The following PCDHGA1 variants were observed in gnomAD, a reference collection of about 807,000 sequenced individuals.
PCDHGA1 encodes protocadherin gamma subfamily A, 1.
Under a neutral mutation model 58.0 loss-of-function variants are expected in PCDHGA1, and 32 were observed. That is an observed-to-expected ratio of 0.55 (90% CI 0.42 to 0.74). The LOEUF is 0.74. Ranked by LOEUF, PCDHGA1 falls within the 30% of genes least tolerant of loss-of-function variation. The pLI is 0.00. For synonymous variants in PCDHGA1, 498 were observed against 501.1 expected (o/e 0.99, Z 0.08); for missense variants, 1,205 against 1,182.3 (o/e 1.02, Z -0.28).
chr5:141,409,875 A>G, intron 1 of PCDHGA1: 1 of 1,612,810 alleles, frequency 6.2e-7, no homozygotes, highest in Non-Finnish European at 8.5e-7. Flanking sequence ...CGCAATGACA[A>G]CGCACCGCGG....
intron 1 of PCDHGA1, chr5:141,398,001 A>T: frequency 5.0e-6 from 7 of 1,388,802 alleles, no homozygotes; most frequent in African/African-American, 4.4e-5. Flanking sequence ...CCTCCTCGGA[A>T]AAAGAATCGT....
chr5:141,467,672 AT>A (rs1199631144), intron 1 of PCDHGA1, among the ~76,000 whole-genome samples: 1 of 151,634 alleles, frequency 6.6e-6, no homozygotes, highest in Non-Finnish European at 1.5e-5. Context: ...GAAGATTTTT[AT>A]TTTTTTTAGA....
At chr5:141,369,787 A>G (rs1340381540) in intron 1 of PCDHGA1, among the ~76,000 whole-genome samples, 2 of 152,346 alleles carry the variant, frequency 1.3e-5, no homozygotes, top group African/African-American at 4.8e-5. Context: ...GCCTCTTTAT[A>G]CTACGTCTTC....
intron 1 of PCDHGA1, 130 bp downstream of exon 1, chr5:141,333,235 C>G: frequency 1.5e-6 from 2 of 1,365,112 alleles, no homozygotes; most frequent in South Asian, 1.4e-5. Context: ...ATTACAAGTC[C>G]TGCAAAATCA....
rs772000812 is a variant in PCDHGA1, at chr5:141,478,304, C to T, written c.2422-16503C>T. The T allele has an allele frequency of 8.1e-6, 13 of 1,614,108 alleles. No individual in the cohort carries two copies. In the Middle Eastern group the frequency reaches 1.2e-3, roughly 143 times the overall value. On this transcript the variant is annotated intron_variant, in intron 1 of 3. Coordinates refer to ENST00000517417, the MANE Select transcript of PCDHGA1 (RefSeq NM_018912.3). The stretch of plus-strand genomic sequence containing the variant: ...GCAGTCTAGAGACCTATACCGAGCC[C>T]CGGTGAGCTCACTGTACCGAACACC...
chr5:141,459,993 G>T (rs1320315247), intron 1 of PCDHGA1, among the ~76,000 whole-genome samples: 1 of 152,164 alleles, frequency 6.6e-6, no homozygotes, highest in African/African-American at 2.4e-5. Context: ...CAGGAGAATC[G>T]CTTGAACCCA....
At chr5:141,409,840 G>A (rs1361942011) in intron 1 of PCDHGA1, 3 of 1,611,558 alleles carry the variant, frequency 1.9e-6, no homozygotes, top group African/African-American at 1.3e-5. Flanking sequence ...GCGCCAACGT[G>A]AGCCTGCGCG....
At chr5:141,394,782 A>T (rs779984453) in intron 1 of PCDHGA1, 1 of 1,613,558 alleles carries the variant, frequency 6.2e-7, no homozygotes. Flanking sequence ...TCTCTCCGCC[A>T]CTGTCACGCT....
chr5:141,465,348 A>G (rs886810999), intron 1 of PCDHGA1, among the ~76,000 whole-genome samples: 2 of 152,158 alleles, frequency 1.3e-5, no homozygotes, highest in African/African-American at 4.8e-5. Flanking sequence ...GTTACTGAAG[A>G]AAAAATGGGT....
At chr5:141,367,423 G>T (rs1765125811) in intron 1 of PCDHGA1, 2 of 152,202 alleles carry the variant, frequency 1.3e-5, no homozygotes, top group Non-Finnish European at 2.9e-5. Flanking sequence ...TGTAGTCCCA[G>T]CTACTCGGAA....
chr5:141,490,143 A>G lies in PCDHGA1; in HGVS notation c.2422-4664A>G. On this transcript the variant is annotated intron_variant, in intron 1 of 3. Transcript: ENST00000517417. The surrounding 1 kb of genome is among the most constrained non-coding windows in gnomAD (Gnocchi z 5.4). ...TTGGCCTAGACCCTAGCAGTGGGGC[A>G]ATCCATGTGTTGGGTCCCATAGACT... is the stretch of plus-strand genomic sequence containing the variant. 1 of 1,614,234 alleles carries G rather than the reference A, an allele frequency of 6.2e-7. No homozygotes were observed. The highest frequency in any genetic ancestry group is 8.5e-7 in the Non-Finnish European group (1 of 1,180,034).
chr5:141,422,678 A>G, intron 1 of PCDHGA1: 1 of 1,606,250 alleles, frequency 6.2e-7, no homozygotes, highest in Non-Finnish European at 8.5e-7. Flanking sequence ...GACAGCAAAC[A>G]GAATGCCCTG....
At chr5:141,504,634 AG>A (rs2099839600) in intron 2 of PCDHGA1, among the ~76,000 whole-genome samples, 1 of 115,756 alleles carries the variant, frequency 8.6e-6, no homozygotes, top group Non-Finnish European at 1.7e-5. Context: ...ACCTTGGAAA[AG>A]GTTTGATGAT....
chr5:141,389,293 C>T, intron 1 of PCDHGA1: 3 of 1,614,036 alleles, frequency 1.9e-6, no homozygotes, highest in Non-Finnish European at 2.5e-6. Context: ...GCCTCTATTT[C>T]ACAAGTCAGG....
At chr5:141,408,303 G>A in intron 1 of PCDHGA1, 3 of 1,613,794 alleles carry the variant, frequency 1.9e-6, no homozygotes, top group Non-Finnish European at 2.5e-6. Flanking sequence ...GAGCCGATCC[G>A]CTACTCGATT....
chr5:141,439,443 G>A (rs867907022), intron 1 of PCDHGA1, among the ~76,000 whole-genome samples: 1 of 152,164 alleles, frequency 6.6e-6, no homozygotes, highest in Non-Finnish European at 1.5e-5. Flanking sequence ...ATATTTTATT[G>A]CGGGAGCAAG....
At chr5:141,368,717 A>C (rs1429759647) in intron 1 of PCDHGA1, among the ~76,000 whole-genome samples, 2 of 152,218 alleles carry the variant, frequency 1.3e-5, no homozygotes, top group Non-Finnish European at 2.9e-5. Flanking sequence ...TACATTTTGA[A>C]TGTATGTACT....
chr5:141,361,727 C>T, intron 1 of PCDHGA1: 3 of 1,613,274 alleles, frequency 1.9e-6, no homozygotes, highest in Non-Finnish European at 2.5e-6. Context: ...TTCGAGCTCA[C>T]ACTGCAGGCC....
chr5:141,511,453 T>G lies in PCDHGA1; in HGVS notation c.*280T>G. 1.7e-6 allele frequency: 1 copy of G among 595,822 alleles called. No individual in the cohort carries two copies. Among genetic ancestry groups the G allele is most frequent in the Non-Finnish European group, 2.8e-6 (1 of 360,062 alleles). 36.9% of individuals were successfully genotyped at this position (595,822 alleles called of 1,614,324 possible). ...GGTTACTGTAGACACCAAGAACCATTTGCCACACCCCGTTTAGTTACAGCT... is the reference window on the plus strand; with the variant it reads ...GGTTACTGTAGACACCAAGAACCATGTGCCACACCCCGTTTAGTTACAGCT... On this transcript the variant is annotated 3_prime_UTR_variant, in exon 4 of 4. Transcript: ENST00000517417.
Sources: gnomAD v4.1 joint callset for allele counts (sites outside exome capture counted in the v4.1 genomes callset) on GRCh38, gnomAD v4.1.1 for gene constraint, Gnocchi (gnomAD v3.1) non-coding constraint, MANE v1.5 for transcripts, NCBI Gene and HGNC (gene_info 2026-07-23, HGNC 2026-07-21) for gene names.